The following LDB2 variants were observed in gnomAD, a reference collection of about 807,000 sequenced individuals.
LDB2 encodes the protein LIM domain-binding protein 2.
Under a neutral mutation model 44.3 loss-of-function variants are expected in LDB2, and 12 were observed. The observed-to-expected ratio is 0.27, with a 90% CI of 0.17 to 0.44. The LOEUF is 0.44. Ranked by LOEUF, LDB2 falls within the 20% of genes least tolerant of loss-of-function variation. The pLI is 1.00. For synonymous variants in LDB2, 164 were observed against 174.8 expected, an observed-to-expected ratio of 0.94 and a Z score of 0.49; for missense variants, 344 against 473.5, an observed-to-expected ratio of 0.73 and a Z score of 2.54.
At chr4:16,829,973 C>T (rs944981652) in intron 1 of LDB2, among the ~76,000 whole-genome samples, 2 of 151,996 alleles carry the variant, frequency 1.3e-5, no homozygotes, top group South Asian at 2.1e-4. Flanking sequence ...GGCGTGGTGC[C>T]GTGTGCCTGT....
intron 5 of LDB2, among the ~76,000 whole-genome samples, chr4:16,584,938 C>T (rs1716214266): frequency 6.6e-6 from 1 of 152,146 alleles, no homozygotes; most frequent in South Asian, 2.1e-4. Context: ...CTTCAAAGTC[C>T]CAGCTTCCTA....
intron 2 of LDB2, among the ~76,000 whole-genome samples, chr4:16,626,238 A>G (rs1320781070): frequency 6.6e-6 from 1 of 152,170 alleles, no homozygotes; most frequent in Non-Finnish European, 1.5e-5. Context: ...TTAATTAGAC[A>G]TCCAAACCAC....
At chr4:16,578,650 C>T (rs896539672) in intron 5 of LDB2, among the ~76,000 whole-genome samples, 1 of 152,058 alleles carries the variant, frequency 6.6e-6, no homozygotes, top group African/African-American at 2.4e-5. Context: ...TTTGGAGGTT[C>T]TTCAAAAAAC....
intron 7 of LDB2, 152 bp downstream of exon 7, chr4:16,508,383 C>T (rs184386993): frequency 1.1e-4 from 66 of 615,770 alleles, no homozygotes; most frequent in Non-Finnish European, 1.5e-4. Flanking sequence ...TCCCTCCCAT[C>T]CCAACCTCTG....
chr4:16,514,387 C>T (rs1045378450), intron 5 of LDB2, among the ~76,000 whole-genome samples: 1 of 152,186 alleles, frequency 6.6e-6, no homozygotes, highest in African/African-American at 2.4e-5. Context: ...GGTCCACTTA[C>T]CTATATATCC....
chr4:16,737,161 T>G (rs758860168), intron 2 of LDB2, among the ~76,000 whole-genome samples: 1 of 152,212 alleles, frequency 6.6e-6, no homozygotes, highest in Non-Finnish European at 1.5e-5. Context: ...AATCAAAATT[T>G]GACCATGTCT....
chr4:16,872,196 T>C (rs10939694), intron 1 of LDB2, among the ~76,000 whole-genome samples: 57,151 of 151,928 alleles, frequency 0.38, 12,055 homozygotes, highest in East Asian at 0.7. Flanking sequence ...CATTTCTGTA[T>C]TTTGCATGGG....
At chr4:16,773,455 C>T (rs1472002626) in intron 1 of LDB2, among the ~76,000 whole-genome samples, 7 of 152,142 alleles carry the variant, frequency 4.6e-5, no homozygotes, top group Non-Finnish European at 7.4e-5. Flanking sequence ...TGGGAGACAG[C>T]GACGGATCAT....
intron 2 of LDB2, among the ~76,000 whole-genome samples, chr4:16,656,161 A>G (rs1300492839): frequency 6.6e-6 from 1 of 152,128 alleles, no homozygotes; most frequent in African/African-American, 2.4e-5. Flanking sequence ...CGGCCTCCCA[A>G]AGTGCTGGGA....
At chr4:16,700,348 A>C (rs1021258300) in intron 2 of LDB2, among the ~76,000 whole-genome samples, 10 of 152,158 alleles carry the variant, frequency 6.6e-5, no homozygotes, top group Non-Finnish European at 1.2e-4. Context: ...GAAGCAACCC[A>C]AAAATATAAA....
In LDB2 at chr4:16,769,304, A is replaced by ATT. The variant is rs34836651; in HGVS notation, c.133-10046_133-10045dup. On this transcript the variant is annotated intron_variant, in intron 1 of 7. Transcript: ENST00000304523. Reference sequence around the variant, plus strand: ...GGGATTCTTTTTATTTTTTATTTTTATTTTTTTTTGAGATGGAGTTTCCCT... The same window carrying ATT: ...GGGATTCTTTTTATTTTTTATTTTTATTTTTTTTTTTGAGATGGAGTTTCCCT... 9.6e-4 allele frequency among the ~76,000 whole-genome samples: 144 copies of ATT among 149,494 alleles called. 1 individual carries two copies. The highest frequency in any genetic ancestry group is 2.3e-3 in the South Asian group (11 of 4,728).
At chr4:16,857,589 C>T (rs985083275) in intron 1 of LDB2, among the ~76,000 whole-genome samples, 16 of 152,296 alleles carry the variant, frequency 1.1e-4, no homozygotes, top group Middle Eastern at 3.4e-3. Flanking sequence ...TGCCCTGGCT[C>T]ACTCTGCTCC....
intron 5 of LDB2, among the ~76,000 whole-genome samples, chr4:16,579,845 T>C (rs1191894772): frequency 6.6e-6 from 1 of 152,182 alleles, no homozygotes; most frequent in East Asian, 1.9e-4. Flanking sequence ...TACTGGGTAC[T>C]TACGTGTCTT....
At chr4:16,856,198 G>A (rs966077519) in intron 1 of LDB2, among the ~76,000 whole-genome samples, 12 of 152,068 alleles carry the variant, frequency 7.9e-5, no homozygotes, top group South Asian at 2.1e-4. Flanking sequence ...AAACAATGCC[G>A]AAACAAAACT....
chr4:16,592,505 T>TACACACAC lies in LDB2; in HGVS notation c.408+3190_408+3197dup, dbSNP rs58460959. 4.2e-4 allele frequency among the ~76,000 whole-genome samples: 45 copies of TACACACAC among 108,028 alleles called. No individual in the cohort carries two copies. In the South Asian group the frequency reaches 5.6e-3, roughly 13 times the overall value. 70.9% of individuals were successfully genotyped at this position (108,028 alleles called of 152,430 possible). A position where few individuals can be genotyped will look rare whatever the true frequency, so the allele number is the denominator to read the frequency against. ...ATATATATATATATATATATATATA[T>TACACACAC]ACACACACACACACACAAACACACA... On this transcript the variant is annotated intron_variant, in intron 3 of 7. Coordinates refer to ENST00000304523, the MANE Select transcript of LDB2 (RefSeq NM_001290.5).
intron 2 of LDB2, among the ~76,000 whole-genome samples, chr4:16,659,049 T>C (rs1294531255): frequency 6.6e-6 from 1 of 152,162 alleles, no homozygotes; most frequent in Non-Finnish European, 1.5e-5. Context: ...ATGAGCCTGA[T>C]TTTAAGGTTG....
chr4:16,528,457 T>G (rs1296140228), intron 5 of LDB2, among the ~76,000 whole-genome samples: 3 of 152,178 alleles, frequency 2.0e-5, no homozygotes, highest in Non-Finnish European at 4.4e-5. Flanking sequence ...ATTACAAACA[T>G]CATAATGAGG....
chr4:16,816,482 C>G (rs1780939047), intron 1 of LDB2, among the ~76,000 whole-genome samples: 1 of 143,144 alleles, frequency 7.0e-6, no homozygotes, highest in Admixed American at 7.3e-5. Context: ...GATCTCAGCT[C>G]ACTGCAACCT....
intron 2 of LDB2, among the ~76,000 whole-genome samples, chr4:16,635,192 G>T (rs1303471889): frequency 6.6e-6 from 1 of 152,064 alleles, no homozygotes; most frequent in African/African-American, 2.4e-5. Context: ...CCTAATGTAG[G>T]TGATGAGTTG....
Sources: gnomAD v4.1 joint callset for allele counts (sites outside exome capture counted in the v4.1 genomes callset) on GRCh38, gnomAD v4.1.1 for gene constraint, MANE v1.5 for transcripts, NCBI Gene and HGNC (gene_info 2026-07-23, HGNC 2026-07-21) for gene names.